CCSER1: variants seen among roughly 807,000 people sequenced by gnomAD.
CCSER1 encodes serine-rich coiled-coil domain-containing protein 1.
Under a neutral mutation model 82.0 loss-of-function variants are expected in CCSER1, and 41 were observed. That is an observed-to-expected ratio of 0.50 (90% CI 0.39 to 0.65). CCSER1 has a LOEUF of 0.65. Ranked by LOEUF, CCSER1 falls within the 30% of genes least tolerant of loss-of-function variation. The probability of loss-of-function intolerance (pLI) is 0.00; values close to 1 mark genes in which losing one functional copy is unlikely to be tolerated. For missense variants in CCSER1, 1,119 were observed against 1,064.2 expected (o/e 1.05, Z -0.72); for synonymous variants, 414 against 383.9 (o/e 1.08, Z -0.92).
chr4:91,250,248 C>G (rs1581842928), intron 10 of CCSER1, among the ~76,000 whole-genome samples: 1 of 151,670 alleles, frequency 6.6e-6, no homozygotes, highest in Non-Finnish European at 1.5e-5. Flanking sequence ...AAATTTCTTT[C>G]TTATTGTTTT....
chr4:90,946,995 C>T (rs1039499593), intron 9 of CCSER1, among the ~76,000 whole-genome samples: 6 of 140,028 alleles, frequency 4.3e-5, no homozygotes, highest in Non-Finnish European at 1.0e-4. Flanking sequence ...GTGGAACAAT[C>T]CTCCTCTGTT....
Position 90,761,799 on chromosome 4 carries a change from G to A in CCSER1, c.2010+37808G>A, listed in dbSNP as rs189890845. 6.8e-4 allele frequency among the ~76,000 whole-genome samples: 103 copies of A among 152,120 alleles called. 1 individual carries two copies. The East Asian group carries it at 0.015, about 22-fold the overall frequency. Reference sequence around the variant, plus strand: ...AATGGACTCTTTTTCCTTCTGGATCGTTGTAAGAATAGCAGATTTGAGATG... The same window carrying A: ...AATGGACTCTTTTTCCTTCTGGATCATTGTAAGAATAGCAGATTTGAGATG... On this transcript the variant is annotated intron_variant, in intron 7 of 10. Coordinates refer to ENST00000509176, the MANE Select transcript of CCSER1 (RefSeq NM_001145065.2).
At chr4:91,479,674 A>C (rs990747450) in intron 10 of CCSER1, among the ~76,000 whole-genome samples, 3 of 150,024 alleles carry the variant, frequency 2.0e-5, no homozygotes, top group Non-Finnish European at 4.4e-5. Flanking sequence ...ATTTATGGAA[A>C]GCAGTTTATT....
chr4:90,199,472 TATG>T (rs1737234608), intron 1 of CCSER1, among the ~76,000 whole-genome samples: 1 of 152,182 alleles, frequency 6.6e-6, no homozygotes, highest in Non-Finnish European at 1.5e-5. Context: ...TAATTGCTAT[TATG>T]GTAATGATTT....
At chr4:90,278,282 T>C (rs1191654030) in intron 1 of CCSER1, among the ~76,000 whole-genome samples, 1 of 152,120 alleles carries the variant, frequency 6.6e-6, no homozygotes, top group East Asian at 1.9e-4. Flanking sequence ...TTACTCAAAG[T>C]ACTAAGTGTT....
At chr4:90,734,218 T>C (rs1446549659) in intron 7 of CCSER1, among the ~76,000 whole-genome samples, 2 of 151,950 alleles carry the variant, frequency 1.3e-5, no homozygotes, top group Non-Finnish European at 2.9e-5. Context: ...CTCTGCCTCC[T>C]GGGTTCTTGC....
intron 10 of CCSER1, among the ~76,000 whole-genome samples, chr4:91,391,993 A>T (rs1009813901): frequency 6.6e-6 from 1 of 152,104 alleles, no homozygotes; most frequent in Admixed American, 6.6e-5. Flanking sequence ...ACATATATAG[A>T]CATATAGACA....
At chr4:90,357,501 A>T (rs1378657551) in intron 3 of CCSER1, among the ~76,000 whole-genome samples, 1 of 151,972 alleles carries the variant, frequency 6.6e-6, no homozygotes, top group Non-Finnish European at 1.5e-5. Flanking sequence ...GAACATAGTA[A>T]AATTGTTACA....
At chr4:91,483,519 T>C (rs1158202775) in intron 10 of CCSER1, among the ~76,000 whole-genome samples, 1 of 151,996 alleles carries the variant, frequency 6.6e-6, no homozygotes, top group Non-Finnish European at 1.5e-5. Flanking sequence ...CACTGCAGCC[T>C]CTGCCTCCTG....
Position 90,309,444 on chromosome 4 carries a change from G to A in CCSER1, c.1160G>A (p.Gly387Glu). 1 of 1,613,738 alleles carries A rather than the reference G, an allele frequency of 6.2e-7. No homozygotes were observed. Among genetic ancestry groups the A allele is most frequent in the Non-Finnish European group, 8.5e-7 (1 of 1,179,782 alleles). ...TTACAAAATGGTGAAACAATGCTGG[G>A]GACAAACTCCCCAAGGAAACTTGGA... ...IGLQNGETML[G>E]TNSPRKLGFY... The change falls in exon 2 of 11, where the codon GGG becomes GAG. Residue 387 changes from glycine (G) to glutamate (E), a missense_variant. Physicochemically the swap from Gly to Glu is moderately conservative, Grantham distance 98. Transcript: ENST00000509176.
chr4:91,106,391 A>G (rs1380325123), intron 10 of CCSER1, among the ~76,000 whole-genome samples: 1 of 152,202 alleles, frequency 6.6e-6, no homozygotes, highest in Non-Finnish European at 1.5e-5. Context: ...ACAATACACT[A>G]TGACTTATAA....
chr4:90,621,230 TG>T (rs1341598154), intron 5 of CCSER1, among the ~76,000 whole-genome samples: 5 of 152,186 alleles, frequency 3.3e-5, no homozygotes, highest in African/African-American at 1.2e-4. Flanking sequence ...AATTTTTCTG[TG>T]TTTTTTTTCT....
intron 7 of CCSER1, among the ~76,000 whole-genome samples, chr4:90,814,964 T>G (rs571393562): frequency 6.6e-6 from 1 of 152,238 alleles, no homozygotes; most frequent in East Asian, 1.9e-4. Flanking sequence ...CAGTTTATCT[T>G]TATAGCAGTG....
At chr4:91,427,836 T>A (rs1284163004) in intron 10 of CCSER1, among the ~76,000 whole-genome samples, 1 of 152,106 alleles carries the variant, frequency 6.6e-6, no homozygotes, top group East Asian at 1.9e-4. Flanking sequence ...TTTTAAATGA[T>A]CTGGTGAGAT....
At chr4:91,054,466 C>G (rs929710617) in intron 9 of CCSER1, among the ~76,000 whole-genome samples, 2 of 151,988 alleles carry the variant, frequency 1.3e-5, no homozygotes, top group Non-Finnish European at 2.9e-5. Flanking sequence ...AGCTGTCCTT[C>G]TTTGTCTTTT....
intron 10 of CCSER1, among the ~76,000 whole-genome samples, chr4:91,446,692 T>TATATAA (rs1250360946): frequency 1.1e-4 from 16 of 147,074 alleles, no homozygotes; most frequent in South Asian, 2.1e-4. Context: ...TATATATATA[T>TATATAA]AATAGTCCTG....
chr4:90,249,011 CT>C (rs1339459405), intron 1 of CCSER1, among the ~76,000 whole-genome samples: 12 of 152,110 alleles, frequency 7.9e-5, no homozygotes, highest in African/African-American at 2.9e-4. Context: ...TTTTTAAAAT[CT>C]TAATTATTTT....
At chr4:90,700,605 A>C (rs557474327) in intron 6 of CCSER1, among the ~76,000 whole-genome samples, 1 of 152,312 alleles carries the variant, frequency 6.6e-6, no homozygotes, top group South Asian at 2.1e-4. Flanking sequence ...AGTCCCACCA[A>C]CAGTGTAAAA....
chr4:90,568,184 A>G (rs180696141), intron 5 of CCSER1, among the ~76,000 whole-genome samples: 5 of 152,118 alleles, frequency 3.3e-5, no homozygotes, highest in African/African-American at 1.2e-4. Flanking sequence ...GATTTAGTTG[A>G]TCTAGATTAT....
Sources: gnomAD v4.1 joint callset for allele counts (sites outside exome capture counted in the v4.1 genomes callset) on GRCh38, gnomAD v4.1.1 for gene constraint, MANE v1.5 for transcripts, NCBI Gene and HGNC (gene_info 2026-07-23, HGNC 2026-07-21) for gene names.